IPPK: variants seen among roughly 807,000 people sequenced by gnomAD.
IPPK encodes inositol-pentakisphosphate 2-kinase, also known as IPK1 homolog.
A neutral mutation model predicts 64.6 loss-of-function variants in IPPK; 22 were observed. That is an observed-to-expected ratio of 0.34 (90% confidence interval 0.24 to 0.49). The LOEUF (loss-of-function observed/expected upper bound fraction) is 0.49, where lower values mean the gene tolerates loss of function less well. Ranked by LOEUF, IPPK falls within the 20% of genes least tolerant of loss-of-function variation. The probability of loss-of-function intolerance (pLI) is 0.99; values close to 1 mark genes in which losing one functional copy is unlikely to be tolerated. For missense variants in IPPK, 532 were observed against 630.7 expected, an observed-to-expected ratio of 0.84 and a Z score of 1.68; for synonymous variants, 262 against 247.2, an observed-to-expected ratio of 1.06 and a Z score of -0.56.
At chr9:92,633,729 C>T (rs1436330580) in intron 11 of IPPK, among the ~76,000 whole-genome samples, 2 of 152,200 alleles carry the variant, frequency 1.3e-5, no homozygotes, top group Non-Finnish European at 2.9e-5. Context: ...TCTGCAGTTA[C>T]AGTGTGAGAC....
At position 92,649,467 on chromosome 9, in the gene IPPK, A is replaced by C. The variant is rs771548024; in HGVS notation, c.400T>G (p.Cys134Gly). 34 of 1,613,904 alleles carry C rather than the reference A, an allele frequency of 2.1e-5. No individual in the cohort carries two copies. The highest frequency in any genetic ancestry group is 2.7e-5 in the Non-Finnish European group (32 of 1,179,970). The part of the protein sequence containing the change: ...YRFAEHRPIL[C>G]VEIKPKCGFI... Reference sequence around the variant, plus strand: ...CGACAGGTCACCTTAATCTCTACACACAGAATCGGCCGGTGCTCTGCAAAG... The same window carrying C: ...CGACAGGTCACCTTAATCTCTACACCCAGAATCGGCCGGTGCTCTGCAAAG... The change falls in exon 5 of 13, where the codon TGT becomes GGT. Residue 134 changes from cysteine (C) to glycine (G), a missense_variant. Physicochemically the swap from Cys to Gly is radical, Grantham distance 159. Transcript: ENST00000287996.
At chr9:92,654,114 T>C (rs979867180) in intron 3 of IPPK, among the ~76,000 whole-genome samples, 2 of 152,190 alleles carry the variant, frequency 1.3e-5, no homozygotes, top group Non-Finnish European at 2.9e-5. Context: ...TGTCTGCCCA[T>C]GCATGGCCTG....
rs1377603660 is a variant in IPPK at position 92,634,269 on chromosome 9, T to C, written c.1170+117A>G. On this transcript the variant is annotated intron_variant, in intron 11 of 12. Coordinates refer to ENST00000287996, the MANE Select transcript of IPPK (RefSeq NM_022755.6). ...TCAGCCACTTCTTTTTGATCCCAAG[T>C]TTTCTGCTTTAAACCTCAGGGGTAG... is the stretch of plus-strand genomic sequence containing the variant. 36 of 673,962 alleles carry C rather than the reference T, an allele frequency of 5.3e-5. No homozygotes were observed. In the Admixed American group the frequency reaches 9.8e-4, roughly 18 times the overall value. The allele number at this position is 673,962 out of a possible 1,614,324, so 41.7% of individuals were successfully genotyped here. A position where few individuals can be genotyped will look rare whatever the true frequency, so the allele number is the denominator to read the frequency against.
intron 11 of IPPK, among the ~76,000 whole-genome samples, chr9:92,622,220 C>T (rs1213743135): frequency 1.3e-5 from 2 of 152,006 alleles, no homozygotes; most frequent in South Asian, 4.1e-4. Context: ...AAAAAACCTA[C>T]ATTAAACAAT....
At chr9:92,641,848 T>C (rs1386226409) in intron 7 of IPPK, among the ~76,000 whole-genome samples, 2 of 152,008 alleles carry the variant, frequency 1.3e-5, no homozygotes, top group African/African-American at 4.8e-5. Context: ...ACTCACACAG[T>C]GGAGCGAGAA....
At chr9:92,644,189 A>G (rs1169825260) in intron 6 of IPPK, among the ~76,000 whole-genome samples, 3 of 152,206 alleles carry the variant, frequency 2.0e-5, no homozygotes, top group African/African-American at 7.2e-5. Flanking sequence ...TTAAAAAAAA[A>G]TGTCAGAATC....
chr9:92,667,292 C>A (rs1249248209), intron 1 of IPPK, among the ~76,000 whole-genome samples: 14 of 152,226 alleles, frequency 9.2e-5, no homozygotes. Flanking sequence ...TCAGCATCCA[C>A]AAGACCACGG....
chr9:92,622,316 TAAA>T (rs1851654867), intron 11 of IPPK, among the ~76,000 whole-genome samples: 1 of 151,796 alleles, frequency 6.6e-6, no homozygotes, highest in Admixed American at 6.6e-5. Flanking sequence ...TGAAGTAAAA[TAAA>T]GAAGTGAAAG....
intron 4 of IPPK, among the ~76,000 whole-genome samples, chr9:92,650,881 G>A (rs118187244): frequency 0.025 from 3,757 of 152,158 alleles, 62 homozygotes; most frequent in Middle Eastern, 0.044. Flanking sequence ...CCGTGGTGTG[G>A]ACAGAACCAA....
chr9:92,634,342 G>A (rs1052152030), intron 11 of IPPK, 44 bp downstream of exon 11: 1 of 1,334,174 alleles, frequency 7.5e-7, no homozygotes, highest in African/African-American at 1.4e-5. Context: ...TTAGTGCTAA[G>A]AAGCTAAGGA....
rs1171798005 is a variant in IPPK at position 92,642,677 on chromosome 9, A to G, written c.563+75T>C. The G allele has an allele frequency of 7.9e-6, 8 of 1,007,158 alleles. No individual in the cohort carries two copies. The African/African-American group carries it at 8.0e-5, about 10-fold the overall frequency. The allele number at this position is 1,007,158 out of a possible 1,614,324, so 62.4% of individuals were successfully genotyped here. On this transcript the variant is annotated intron_variant, in intron 7 of 12. Transcript: ENST00000287996. ...CTTCCTACCTCACGAAATACCCCCC[A>G]CCAGGCACTGGCCCCCGCCCTACCC...
chr9:92,637,485 T>C (rs563895732), intron 9 of IPPK, among the ~76,000 whole-genome samples: 2 of 152,152 alleles, frequency 1.3e-5, no homozygotes, highest in South Asian at 2.1e-4. Flanking sequence ...TGTCAGGACA[T>C]GTGGCAGCGG....
intron 5 of IPPK, among the ~76,000 whole-genome samples, chr9:92,648,908 C>T (rs1266649956): frequency 6.6e-6 from 1 of 152,242 alleles, no homozygotes; most frequent in Admixed American, 6.5e-5. Context: ...TTCAGGACTC[C>T]TGGCCATGAC....
At chr9:92,668,232 C>A (rs1852642588) in intron 1 of IPPK, among the ~76,000 whole-genome samples, 1 of 152,328 alleles carries the variant, frequency 6.6e-6, no homozygotes, top group South Asian at 2.1e-4. Flanking sequence ...CGCGCCACTG[C>A]ACTCCAGCCT....
chr9:92,618,339 C>T (rs1851511616), intron 12 of IPPK: 1 of 456,718 alleles, frequency 2.2e-6, no homozygotes, highest in Non-Finnish European at 4.4e-6. Context: ...AGCAGCTGGT[C>T]GTAAGGACCC....
intron 6 of IPPK, among the ~76,000 whole-genome samples, chr9:92,644,971 T>G (rs1376569584): frequency 6.6e-6 from 1 of 152,054 alleles, no homozygotes; most frequent in African/African-American, 2.4e-5. Context: ...AAGACTTCAA[T>G]CAACTATTTT....
chr9:92,668,003 CT>C (rs1336196458), intron 1 of IPPK, among the ~76,000 whole-genome samples: 2 of 152,170 alleles, frequency 1.3e-5, no homozygotes, highest in Non-Finnish European at 2.9e-5. Flanking sequence ...GGCGTGGTGG[CT>C]CACGCCTGTA....
chr9:92,635,008 C>T lies in IPPK; in HGVS notation c.1067+150G>A, dbSNP rs553109560. ...CAAGGCACTACATTCCAGAGCAGGC[C>T]TGGGCACCTGGGAGCGGAGGACTGG... On this transcript the variant is annotated intron_variant, in intron 10 of 12. Coordinates refer to ENST00000287996, the MANE Select transcript of IPPK (RefSeq NM_022755.6). This position sits in a 1 kb window ranked among gnomAD's most constrained non-coding sequence, Gnocchi z 4.4. 9 of 686,390 alleles carry T rather than the reference C, an allele frequency of 1.3e-5. No homozygotes were observed. In the South Asian group the frequency reaches 2.0e-4, roughly 15 times the overall value. The allele number at this position is 686,390 out of a possible 1,614,324, so 42.5% of individuals were successfully genotyped here.
At chr9:92,624,891 A>G (rs1851707100) in intron 11 of IPPK, among the ~76,000 whole-genome samples, 1 of 147,888 alleles carries the variant, frequency 6.8e-6, no homozygotes, top group African/African-American at 2.5e-5. Context: ...AATCTCATAA[A>G]TATTACACAG....
Sources: allele counts gnomAD v4.1 joint callset (sites outside exome capture counted in the v4.1 genomes callset), GRCh38; gene constraint gnomAD v4.1.1; non-coding constraint Gnocchi (gnomAD v3.1); transcripts MANE v1.5; gene names NCBI Gene and HGNC (gene_info 2026-07-23, HGNC 2026-07-21).